The following ANK3 variants were observed in gnomAD, a reference collection of about 807,000 sequenced individuals.
ANK3 encodes the protein ankyrin-3.
ANK3 carries 57 observed loss-of-function variants against 370.9 expected under a neutral mutation model. The observed-to-expected ratio is 0.15, with a 90% CI of 0.12 to 0.19. The LOEUF is 0.19. Among genes scored for constraint, ANK3 ranks in the 10% least tolerant of loss-of-function variants. The probability of loss-of-function intolerance (pLI) is 1.00; values close to 1 mark genes in which losing one functional copy is unlikely to be tolerated. For missense variants in ANK3, 4,439 were observed against 5,302.1 expected, an observed-to-expected ratio of 0.84 and a Z score of 5.06; for synonymous variants, 1,929 against 1,946.3, an observed-to-expected ratio of 0.99 and a Z score of 0.23.
chr10:60,312,969 C>T (rs10761478), intron 1 of ANK3, among the ~76,000 whole-genome samples: 91,394 of 151,398 alleles, frequency 0.6, 27,799 homozygotes, highest in South Asian at 0.78. Flanking sequence ...AGAGGCCAAA[C>T]TGAAGACATC....
chr10:60,171,715 T>C (rs1353456473), intron 21 of ANK3, among the ~76,000 whole-genome samples: 1 of 152,216 alleles, frequency 6.6e-6, no homozygotes, highest in Non-Finnish European at 1.5e-5. Flanking sequence ...TGTAAAAATG[T>C]AGTTGATGCA....
intron 1 of ANK3, among the ~76,000 whole-genome samples, chr10:60,696,851 G>A (rs1433883950): frequency 1.4e-5 from 2 of 143,354 alleles, no homozygotes; most frequent in African/African-American, 5.4e-5. Context: ...ACAAGACAGG[G>A]ATGTCCTCTC....
At chr10:60,058,600 A>C (rs1365575349) in intron 41 of ANK3, among the ~76,000 whole-genome samples, 1 of 152,226 alleles carries the variant, frequency 6.6e-6, no homozygotes, top group Non-Finnish European at 1.5e-5. Context: ...AATCATGCGT[A>C]GAAGAAAATC....
At chr10:60,104,903 T>C (rs112607234) in intron 28 of ANK3, among the ~76,000 whole-genome samples, 5,680 of 152,302 alleles carry the variant, frequency 0.037, 172 homozygotes, top group Non-Finnish European at 0.058. Flanking sequence ...GTAATCTCCA[T>C]TTTGCAGAAG....
At chr10:60,128,375 AT>A (rs1157787635) in intron 25 of ANK3, among the ~76,000 whole-genome samples, 10 of 114,344 alleles carry the variant, frequency 8.7e-5, no homozygotes, top group East Asian at 2.7e-4. Context: ...CAGTTTCTTC[AT>A]TTTTTTTCTT....
At chr10:60,269,953 C>T (rs2097943565) in intron 5 of ANK3, among the ~76,000 whole-genome samples, 178 bp downstream of exon 5, 2 of 151,960 alleles carry the variant, frequency 1.3e-5, no homozygotes, top group African/African-American at 2.4e-5. Flanking sequence ...ATCTATGCAA[C>T]AGAAGATTTG....
At chr10:60,489,580 T>C (rs1430233433) in intron 2 of ANK3, among the ~76,000 whole-genome samples, 2 of 152,194 alleles carry the variant, frequency 1.3e-5, no homozygotes, top group African/African-American at 4.8e-5. Context: ...TAAACAGGTA[T>C]ATTAATTGGT....
intron 1 of ANK3, among the ~76,000 whole-genome samples, chr10:60,323,558 T>C (rs2049136763): frequency 6.6e-6 from 1 of 152,118 alleles, no homozygotes; most frequent in Non-Finnish European, 1.5e-5. Flanking sequence ...CTCTAGAGTT[T>C]AGGGTTTAGG....
intron 1 of ANK3, among the ~76,000 whole-genome samples, chr10:60,343,331 AG>A (rs1278160860): frequency 2.6e-5 from 4 of 152,158 alleles, no homozygotes; most frequent in Non-Finnish European, 5.9e-5. Flanking sequence ...GAGGGAGAAA[AG>A]GGGGAGTAGG....
intron 7 of ANK3, among the ~76,000 whole-genome samples, chr10:60,261,442 T>TACA (rs1487393124): frequency 2.2e-4 from 33 of 152,336 alleles, no homozygotes; most frequent in African/African-American, 7.7e-4. Context: ...ATTTGGATTC[T>TACA]GTAGTTTAGG....
chr10:60,382,618 C>A (rs1012349503), intron 1 of ANK3, among the ~76,000 whole-genome samples: 1 of 151,912 alleles, frequency 6.6e-6, no homozygotes, highest in African/African-American at 2.4e-5. Flanking sequence ...AGCTTGATGT[C>A]CTCTGGTTTG....
rs569487528 is a variant in ANK3, at chr10:60,635,713, A to G, written c.58-20489T>C. Among the ~76,000 whole-genome samples the G allele has an allele frequency of 1.1e-3, 170 of 152,276 alleles. 1 individual carries two copies. The highest frequency in any genetic ancestry group is 3.9e-3 in the African/African-American group (161 of 41,576). ...GCTTAAACCCTGGATATTACAAAAA[A>G]AAAAAAGCTCATTGCAGCCAAAAAT... On this transcript the variant is annotated intron_variant, in intron 1 of 43. Transcript: ENST00000373827.
chr10:60,481,137 G>C (rs1443129720), intron 2 of ANK3, among the ~76,000 whole-genome samples: 1 of 152,110 alleles, frequency 6.6e-6, no homozygotes, highest in Admixed American at 6.6e-5. Flanking sequence ...TTCTTTTAAA[G>C]ATTAATCAAA....
chr10:60,534,028 C>T (rs139350402), intron 2 of ANK3, among the ~76,000 whole-genome samples: 4 of 152,076 alleles, frequency 2.6e-5, no homozygotes, highest in African/African-American at 7.2e-5. Context: ...ATGACACAAC[C>T]TTTTCACTAC....
At chr10:60,234,870 C>A in intron 7 of ANK3, 84 bp from the exon 8 acceptor site, 3 of 784,516 alleles carry the variant, frequency 3.8e-6, no homozygotes, top group South Asian at 1.5e-5. Flanking sequence ...AACATATCCC[C>A]ATTTCCCCCT....
intron 1 of ANK3, among the ~76,000 whole-genome samples, chr10:60,371,360 T>C (rs2060087742): frequency 6.6e-6 from 1 of 152,090 alleles, no homozygotes; most frequent in Non-Finnish European, 1.5e-5. Flanking sequence ...AGTCAAAAAA[T>C]ATCAGATGTT....
At chr10:60,672,541 C>T (rs2079074856) in intron 1 of ANK3, among the ~76,000 whole-genome samples, 1 of 152,188 alleles carries the variant, frequency 6.6e-6, no homozygotes. Flanking sequence ...GGTGGTGCAT[C>T]CCAACTCTAT....
intron 2 of ANK3, among the ~76,000 whole-genome samples, chr10:60,613,781 A>G (rs1223996436): frequency 6.6e-6 from 1 of 152,044 alleles, no homozygotes; most frequent in East Asian, 1.9e-4. Flanking sequence ...TCATTTTAGG[A>G]AGACAATTCA....
At chr10:60,645,450 C>T (rs1187746497) in intron 1 of ANK3, among the ~76,000 whole-genome samples, 2 of 152,030 alleles carry the variant, frequency 1.3e-5, no homozygotes, top group Non-Finnish European at 2.9e-5. Flanking sequence ...ATAGGCCAGG[C>T]GCAGTGGCTC....
Sources: gnomAD v4.1 joint callset for allele counts (sites outside exome capture counted in the v4.1 genomes callset) on GRCh38, gnomAD v4.1.1 for gene constraint, MANE v1.5 for transcripts, NCBI Gene and HGNC (gene_info 2026-07-23, HGNC 2026-07-21) for gene names.